Variants in NAGS observed in about 807,000 individuals in gnomAD.
NAGS encodes the protein N-acetylglutamate synthase.
In NAGS, 34 loss-of-function variants were observed where a neutral mutation model predicts 46.9. That is an observed-to-expected ratio of 0.72 (90% CI 0.55 to 0.97). The LOEUF (loss-of-function observed/expected upper bound fraction) is 0.97, where lower values mean the gene tolerates loss of function less well. Among genes scored for constraint, NAGS ranks in the 50% least tolerant of loss-of-function variants. The pLI, the probability that NAGS is intolerant of heterozygous loss-of-function variation, is 0.00. For missense variants in NAGS, 665 were observed against 747.0 expected (o/e 0.89, Z 1.28); for synonymous variants, 334 against 346.3 (o/e 0.96, Z 0.39).
chr17:44,007,882 C>A lies in NAGS; in HGVS notation c.1451+109C>A. On this transcript the variant is annotated intron_variant, in intron 6 of 6. Coordinates refer to ENST00000293404, the MANE Select transcript of NAGS (RefSeq NM_153006.3). The surrounding 1 kb of genome is among the most constrained non-coding windows in gnomAD (Gnocchi z 5.1). ...GGCTTCCTCTTCTTCCACTGGTCTC[C>A]CTTTCACTACCTCCCAGGGGCAGAA... 1 of 1,091,864 alleles carries A rather than the reference C, an allele frequency of 9.2e-7. No homozygotes were observed. The highest frequency in any genetic ancestry group is 1.4e-6 in the Non-Finnish European group (1 of 732,378). The allele number at this position is 1,091,864 out of a possible 1,614,324, so 67.6% of individuals were successfully genotyped here. A position where few individuals can be genotyped will look rare whatever the true frequency, so the allele number is the denominator to read the frequency against.
Position 44,007,528 on chromosome 17 carries a change from G to A in NAGS, c.1268+34G>A. On this transcript the variant is annotated intron_variant, in intron 5 of 6. Coordinates refer to ENST00000293404, the MANE Select transcript of NAGS (RefSeq NM_153006.3). This position sits in a 1 kb window ranked among gnomAD's most constrained non-coding sequence, Gnocchi z 5.1. ...GCGGACCCCAGAGGGCGGGGTCTGG[G>A]GGGCAGTCGGGCAGCTTCGGACCAA... 6.2e-7 allele frequency: 1 copy of A among 1,613,402 alleles called. No homozygotes were observed. Among genetic ancestry groups the A allele is most frequent in the South Asian group, 1.1e-5 (1 of 91,070 alleles).
At chr17:44,008,365 T>C in intron 6 of NAGS, 83 bp from the exon 7 acceptor site, 4 of 1,540,234 alleles carry the variant, frequency 2.6e-6, no homozygotes, top group South Asian at 2.2e-5. Flanking sequence ...CCTCAATCAA[T>C]GTTTTTTAAA....
rs1394487716 is a variant in NAGS at position 44,004,898 on chromosome 17, T to C, written c.235T>C (p.Ser79Pro). The change falls in exon 1 of 7, where the codon TCG becomes CCG. Residue 79 changes from serine (S) to proline (P), a missense_variant. Ser to Pro is a moderately conservative substitution (Grantham distance 74). Transcript: ENST00000293404. Reference protein sequence around the residue: ...VSQSPVAEEPSWVPSPRPPVP... With the variant: ...VSQSPVAEEPPWVPSPRPPVP... ...CCAGTCGCCCGTCGCCGAGGAGCCG[T>C]CGTGGGTGCCGAGTCCCAGGCCCCC... The C allele has an allele frequency of 6.5e-7, 1 of 1,533,514 alleles. No individual in the cohort carries two copies. The highest frequency in any genetic ancestry group is 1.2e-5 in the South Asian group (1 of 83,896). The allele number at this position is 1,533,514 out of a possible 1,614,324, so 95.0% of individuals were successfully genotyped here. A position where few individuals can be genotyped will look rare whatever the true frequency, so the allele number is the denominator to read the frequency against.
At chr17:44,008,193 C>G (rs1438804100) in intron 6 of NAGS, among the ~76,000 whole-genome samples, 1 of 152,168 alleles carries the variant, frequency 6.6e-6, no homozygotes, top group Non-Finnish European at 1.5e-5. Flanking sequence ...GCAAAGCACC[C>G]GCTCCCTTCC....
At position 44,005,181 on chromosome 17, in the gene NAGS, C is replaced by T. The variant is rs1403497421; in HGVS notation, c.426+92C>T. 6.8e-7 allele frequency: 1 copy of T among 1,476,130 alleles called. No individual in the cohort carries two copies. The highest frequency in any genetic ancestry group is 1.4e-5 in the African/African-American group (1 of 71,580). 91.4% of individuals were successfully genotyped at this position (1,476,130 alleles called of 1,614,324 possible). On this transcript the variant is annotated intron_variant, in intron 1 of 6. Transcript: ENST00000293404. The surrounding 1 kb of genome is among the most constrained non-coding windows in gnomAD (Gnocchi z 7.2). ...GGCATGGCAGGATACGCTGCGGGCT[C>T]TGCGCAGCGGAAGCGGGAAGGAGCC...
Position 44,007,004 on chromosome 17 carries a change from C to A in NAGS, c.1096+295C>A, listed in dbSNP as rs1299946339. 2.0e-6 allele frequency: 1 copy of A among 489,540 alleles called. No individual in the cohort carries two copies. Among genetic ancestry groups the A allele is most frequent in the Non-Finnish European group, 3.5e-6 (1 of 281,928 alleles). 30.3% of individuals were successfully genotyped at this position (489,540 alleles called of 1,614,324 possible). A position where few individuals can be genotyped will look rare whatever the true frequency, so the allele number is the denominator to read the frequency against. ...GGGGCGGGACCATAAGGGAGGTGTT[C>A]GACCGGGAGAGATGGGCGGGGCTTA... On this transcript the variant is annotated intron_variant, in intron 4 of 6. Coordinates refer to ENST00000293404, the MANE Select transcript of NAGS (RefSeq NM_153006.3). The surrounding 1 kb of genome is among the most constrained non-coding windows in gnomAD (Gnocchi z 5.1).
Position 44,007,262 on chromosome 17 carries a change from T to C in NAGS, c.1097-61T>C. On this transcript the variant is annotated intron_variant, in intron 4 of 6. Coordinates refer to ENST00000293404, the MANE Select transcript of NAGS (RefSeq NM_153006.3). This position sits in a 1 kb window ranked among gnomAD's most constrained non-coding sequence, Gnocchi z 5.1. ...CCACCAGCGCCTGTCCTACCTGCAG[T>C]CCCCACCAGGCTGCGCAAACGGCCC... The C allele has an allele frequency of 6.4e-7, 1 of 1,553,624 alleles. No individual in the cohort carries two copies. The highest frequency in any genetic ancestry group is 8.8e-7 in the Non-Finnish European group (1 of 1,136,596).
intron 6 of NAGS, 105 bp from the exon 7 acceptor site, chr17:44,008,343 C>A: frequency 7.3e-7 from 1 of 1,363,806 alleles, no homozygotes; most frequent in Non-Finnish European, 1.0e-6. Context: ...GGGTGCCCAG[C>A]ATGCAGTAGG....
chr17:44,005,941 C>T lies in NAGS; in HGVS notation c.701+30C>T, dbSNP rs777458333. ...GTGCCCGCCCTGCCCGCCCAGGCGTCCTCAGAGCGTGCTACTCTGCCCGCC... is the reference window on the plus strand; with the variant it reads ...GTGCCCGCCCTGCCCGCCCAGGCGTTCTCAGAGCGTGCTACTCTGCCCGCC... On this transcript the variant is annotated intron_variant, in intron 2 of 6. Coordinates refer to ENST00000293404, the MANE Select transcript of NAGS (RefSeq NM_153006.3). This position sits in a 1 kb window ranked among gnomAD's most constrained non-coding sequence, Gnocchi z 7.2. 21 of 1,549,490 alleles carry T rather than the reference C, an allele frequency of 1.4e-5. No individual in the cohort carries two copies. Among genetic ancestry groups the T allele is most frequent in the East Asian group, 9.7e-5 (4 of 41,378 alleles).
Position 44,008,752 on chromosome 17 carries a change from G to T in NAGS, c.*151G>T, listed in dbSNP as rs1240731653. The stretch of plus-strand genomic sequence containing the variant: ...GAGAAAGCAGCCCCAGCTCTGCCCA[G>T]AGGAGGCGCTGAAGTGGGACAAGCA... On this transcript the variant is annotated 3_prime_UTR_variant, in exon 7 of 7. Transcript: ENST00000293404. 9.7e-7 allele frequency: 1 copy of T among 1,031,618 alleles called. No homozygotes were observed. The highest frequency in any genetic ancestry group is 1.5e-6 in the Non-Finnish European group (1 of 678,384). 63.9% of individuals were successfully genotyped at this position (1,031,618 alleles called of 1,614,324 possible).
chr17:44,004,847 G>A lies in NAGS; in HGVS notation c.184G>A (p.Glu62Lys), dbSNP rs1434938234. ...AWSQPQPPPE[E>K]YAGADDVSQS... ...GTCGCAGCCCCAGCCCCCGCCCGAG[G>A]AGTACGCGGGCGCGGACGACGTCTC... The change falls in exon 1 of 7, where the codon GAG becomes AAG. Residue 62 changes from glutamate (E) to lysine (K), a missense_variant. Glu to Lys is a moderately conservative substitution (Grantham distance 56). Coordinates refer to ENST00000293404, the MANE Select transcript of NAGS (RefSeq NM_153006.3). 6.6e-6 allele frequency: 10 copies of A among 1,524,306 alleles called. No homozygotes were observed. The highest frequency in any genetic ancestry group is 1.4e-5 in the African/African-American group (1 of 71,670). 94.4% of individuals were successfully genotyped at this position (1,524,306 alleles called of 1,614,324 possible).
rs574756437 is a variant in NAGS, at chr17:44,005,384, T to G, written c.427-253T>G. 5.9e-5 allele frequency among the ~76,000 whole-genome samples: 9 copies of G among 152,280 alleles called. No homozygotes were observed. Among genetic ancestry groups the G allele is most frequent in the African/African-American group, 2.2e-4 (9 of 41,568 alleles). ...CAGAAGGACCTGGACAGGAGCCGCT[T>G]GCACTGCCCCTCCCCCAAAGATGTC... On this transcript the variant is annotated intron_variant, in intron 1 of 6. Transcript: ENST00000293404. This position sits in a 1 kb window ranked among gnomAD's most constrained non-coding sequence, Gnocchi z 7.2.
In NAGS at chr17:44,007,452, C is replaced by G. The variant is rs2049109212; in HGVS notation, c.1226C>G (p.Ala409Gly). 6.2e-7 allele frequency: 1 copy of G among 1,613,734 alleles called. No homozygotes were observed. Among genetic ancestry groups the G allele is most frequent in the African/African-American group, 1.3e-5 (1 of 74,924 alleles). ...FGKKLRDDYLASLRPRLHSIY... is the reference protein window; with the variant it reads ...FGKKLRDDYLGSLRPRLHSIY... ...AAGAAGCTCAGGGACGACTACCTGG[C>G]CTCGCTGCGCCCGCGGCTGCACTCC... The change falls in exon 5 of 7, where the codon GCC (alanine) becomes GGC (glycine). Residue 409 changes from alanine (A) to glycine (G), a missense_variant. Physicochemically the swap from Ala to Gly is moderately conservative, Grantham distance 60. Transcript: ENST00000293404. This position sits in a 1 kb window ranked among gnomAD's most constrained non-coding sequence, Gnocchi z 5.1.
Position 44,005,834 on chromosome 17 carries a change from ACAC to A in NAGS, c.625_627del (p.His209del). ...GCAAGGTGCTGGTAGACGCGCTTCG[ACAC>A]AACGCCGCCGCTGCTGTGCCATTTT... On this transcript the variant is annotated inframe_deletion, in exon 2 of 7. Coordinates refer to ENST00000293404, the MANE Select transcript of NAGS (RefSeq NM_153006.3). This position sits in a 1 kb window ranked among gnomAD's most constrained non-coding sequence, Gnocchi z 7.2. The A allele has an allele frequency of 6.4e-7, 1 of 1,569,922 alleles. No homozygotes were observed. The highest frequency in any genetic ancestry group is 8.6e-7 in the Non-Finnish European group (1 of 1,159,160).
In NAGS at chr17:44,006,906, G is replaced by A. The variant is rs2049100667; in HGVS notation, c.1096+197G>A. 1 of 619,650 alleles carries A rather than the reference G, an allele frequency of 1.6e-6. No individual in the cohort carries two copies. The highest frequency in any genetic ancestry group is 2.8e-6 in the Non-Finnish European group (1 of 362,346). The allele number at this position is 619,650 out of a possible 1,614,324, so 38.4% of individuals were successfully genotyped here. ...AGGAGGAGACCCAGTGTACTGGAAGGGAACTCCGAAGGAATTAAAGGAATG... is the reference window on the plus strand; with the variant it reads ...AGGAGGAGACCCAGTGTACTGGAAGAGAACTCCGAAGGAATTAAAGGAATG... On this transcript the variant is annotated intron_variant, in intron 4 of 6. Transcript: ENST00000293404. The surrounding 1 kb of genome is among the most constrained non-coding windows in gnomAD (Gnocchi z 4.8).
rs935164747 is a variant in NAGS at position 44,008,179 on chromosome 17, G to A, written c.1452-269G>A. On this transcript the variant is annotated intron_variant, in intron 6 of 6. Transcript: ENST00000293404. ...TTTGCTGCACAGCCAAGGCAGTGTG[G>A]AGAGCAAAGCACCCGCTCCCTTCCT... 3.3e-5 allele frequency among the ~76,000 whole-genome samples: 5 copies of A among 152,204 alleles called. No individual in the cohort carries two copies. The South Asian group carries it at 1.0e-3, about 31-fold the overall frequency.
chr17:44,005,290 C>A lies in NAGS; in HGVS notation c.426+201C>A, dbSNP rs560383678. ...CCTCCCGCCCAGCCCGAGTGAGGAT[C>A]CTGGGGGACCCCACCCGCCAGGTGT... On this transcript the variant is annotated intron_variant, in intron 1 of 6. Transcript: ENST00000293404. The surrounding 1 kb of genome is among the most constrained non-coding windows in gnomAD (Gnocchi z 7.2). Among the ~76,000 whole-genome samples the A allele has an allele frequency of 7.5e-4, 115 of 152,326 alleles. No homozygotes were observed. Among genetic ancestry groups the A allele is most frequent in the Non-Finnish European group, 1.4e-3 (94 of 68,032 alleles).
In NAGS at chr17:44,005,726, G is replaced by C; in HGVS notation, c.516G>C (p.Leu172=). 1 of 1,595,100 alleles carries C rather than the reference G, an allele frequency of 6.3e-7. No homozygotes were observed. Among genetic ancestry groups the C allele is most frequent in the South Asian group, 1.1e-5 (1 of 87,848 alleles). Residue 172 remains leucine (L), a synonymous_variant, in exon 2 of 7, where the codon CTG becomes CTC. Transcript: ENST00000293404. This position sits in a 1 kb window ranked among gnomAD's most constrained non-coding sequence, Gnocchi z 7.2. Reference sequence around the variant, plus strand: ...TGCAGCGCATGGACATGAAGCCGCTGGTGGTCCTGGGGCTGCCGGCCCCTA... The same window carrying C: ...TGCAGCGCATGGACATGAAGCCGCTCGTGGTCCTGGGGCTGCCGGCCCCTA... ...AFLQRMDMKP[L]VVLGLPAPTA...
At position 44,004,923 on chromosome 17, in the gene NAGS, C is replaced by T. The variant is rs1207983520; in HGVS notation, c.260C>T (p.Pro87Leu). The stretch of plus-strand genomic sequence containing the variant: ...TCGTGGGTGCCGAGTCCCAGGCCCC[C>T]GGTGCCCCACGAGTCCCCAGAGCCT... ...EPSWVPSPRP[P>L]VPHESPEPPS... Residue 87 changes from proline (P) to leucine (L), a missense_variant, in exon 1 of 7, where the codon CCG (proline) becomes CTG (leucine). Transcript: ENST00000293404. The T allele has an allele frequency of 2.0e-6, 3 of 1,535,250 alleles. No individual in the cohort carries two copies. Among genetic ancestry groups the T allele is most frequent in the Admixed American group, 3.9e-5 (2 of 50,984 alleles).
Sources: allele counts gnomAD v4.1 joint callset (sites outside exome capture counted in the v4.1 genomes callset), GRCh38; gene constraint gnomAD v4.1.1; non-coding constraint Gnocchi (gnomAD v3.1); transcripts MANE v1.5; gene names NCBI Gene and HGNC (gene_info 2026-07-23, HGNC 2026-07-21).